DCN: variants seen among roughly 807,000 people sequenced by gnomAD.
The protein encoded by DCN is decorin, also known as bone proteoglycan II.
In DCN, 17 loss-of-function variants were observed where a neutral mutation model predicts 36.5. The observed-to-expected ratio is 0.47, with a 90% CI of 0.32 to 0.70. The LOEUF is 0.70. Among genes scored for constraint, DCN ranks in the 30% least tolerant of loss-of-function variants. DCN has a pLI of 0.04. For synonymous variants in DCN, 163 were observed against 161.4 expected, an observed-to-expected ratio of 1.01 and a Z score of -0.07; for missense variants, 389 against 430.1, an observed-to-expected ratio of 0.90 and a Z score of 0.84.
At chr12:91,160,122 G>A (rs866129984) in intron 3 of DCN, among the ~76,000 whole-genome samples, 4 of 151,930 alleles carry the variant, frequency 2.6e-5, no homozygotes, top group Admixed American at 6.6e-5. Context: ...AACACACTGC[G>A]ATTAATAATC....
chr12:91,152,889 A>G (rs1284286133), intron 6 of DCN, among the ~76,000 whole-genome samples: 3 of 152,136 alleles, frequency 2.0e-5, no homozygotes, highest in African/African-American at 7.2e-5. Flanking sequence ...TATGAAGCTG[A>G]TCTTGGTGGT....
chr12:91,169,092 A>G (rs944077668), intron 2 of DCN, among the ~76,000 whole-genome samples: 12 of 152,196 alleles, frequency 7.9e-5, no homozygotes, highest in African/African-American at 2.4e-4. Flanking sequence ...TCTGTAGTGT[A>G]AAGGAGAGTT....
chr12:91,144,828 A>G lies in DCN; in HGVS notation c.*1230T>C, dbSNP rs1783267364. On this transcript the variant is annotated 3_prime_UTR_variant, in exon 8 of 8. Coordinates refer to ENST00000052754, the MANE Select transcript of DCN (RefSeq NM_001920.5). Reference sequence around the variant, plus strand: ...GTTCCACTGCACTCATTCTGCTACTATTAGCAGAATTGATTACCTCTCATG... The same window carrying G: ...GTTCCACTGCACTCATTCTGCTACTGTTAGCAGAATTGATTACCTCTCATG... The G allele has an allele frequency of 6.6e-6, 1 of 152,156 alleles. No individual in the cohort carries two copies. The highest frequency in any genetic ancestry group is 2.4e-5 in the African/African-American group (1 of 41,424). The allele number at this position is 152,156 out of a possible 1,614,324, so 9.4% of individuals were successfully genotyped here.
rs376051357 is a variant in DCN, at chr12:91,178,421, G to A, written c.132C>T (p.Arg44=). 187 of 1,613,752 alleles carry A rather than the reference G, an allele frequency of 1.2e-4. No individual in the cohort carries two copies. The highest frequency in any genetic ancestry group is 1.5e-4 in the Non-Finnish European group (175 of 1,179,962). ...CTGGGCCTAGGGAGGGCTCGAAGTC[G>A]CGGTCATCAGGAACTTCTGGGCCTA... ...SGIGPEVPDD[R]DFEPSLGPVC... is the part of the protein sequence containing the mutation. The change falls in exon 2 of 8, where the codon CGC becomes CGT. Residue 44 remains arginine, a synonymous_variant. Coordinates refer to ENST00000052754, the MANE Select transcript of DCN (RefSeq NM_001920.5).
At position 91,158,316 on chromosome 12, in the gene DCN, A is replaced by G. The variant is rs753885997; in HGVS notation, c.518T>C (p.Leu173Pro). 6.2e-6 allele frequency: 10 copies of G among 1,607,704 alleles called. No individual in the cohort carries two copies. In the South Asian group the frequency reaches 1.1e-4, roughly 18 times the overall value. ...TGTACCTATGACAATCATCTGGTTCAGTCCATTGAAAGTAACTTTTCGCAC... is the reference window on the plus strand; with the variant it reads ...TGTACCTATGACAATCATCTGGTTCGGTCCATTGAAAGTAACTTTTCGCAC... ...TKVRKVTFNG[L>P]NQMIVIELGT... The change falls in exon 4 of 8, where the codon CTG (leucine) becomes CCG (proline). Residue 173 changes from leucine to proline, a missense_variant. Leu to Pro is a moderately conservative substitution (Grantham distance 98, BLOSUM62 -3). Coordinates refer to ENST00000052754, the MANE Select transcript of DCN (RefSeq NM_001920.5).
intron 2 of DCN, among the ~76,000 whole-genome samples, chr12:91,165,976 G>C (rs183514188): frequency 1.5e-4 from 23 of 152,212 alleles, no homozygotes; most frequent in Non-Finnish European, 1.0e-4. Flanking sequence ...GCTATGTCGA[G>C]AAAATCACTT....
rs907000509 is a variant in DCN at position 91,141,672 on chromosome 12, C to CA, written c.*4385dup. The CA allele has an allele frequency of 1.6e-4, 25 of 152,132 alleles. No individual in the cohort carries two copies. Among genetic ancestry groups the CA allele is most frequent in the African/African-American group, 6.0e-4 (25 of 41,510 alleles). 9.4% of individuals were successfully genotyped at this position (152,132 alleles called of 1,614,324 possible). ...TGCTAGTAGATATATCTGATCAAGACAAAAAAGTTGGATTATTTTGACATT... is the reference window on the plus strand; with the variant it reads ...TGCTAGTAGATATATCTGATCAAGACAAAAAAAGTTGGATTATTTTGACATT... On this transcript the variant is annotated 3_prime_UTR_variant, in exon 8 of 8. Coordinates refer to ENST00000052754, the MANE Select transcript of DCN (RefSeq NM_001920.5).
chr12:91,146,767 C>T (rs1394220565), intron 7 of DCN, among the ~76,000 whole-genome samples: 1 of 152,188 alleles, frequency 6.6e-6, no homozygotes, highest in African/African-American at 2.4e-5. Context: ...AAATTGCATG[C>T]CAATCATTTC....
intron 7 of DCN, among the ~76,000 whole-genome samples, chr12:91,150,138 C>T (rs1881309700): frequency 6.6e-6 from 1 of 152,048 alleles, no homozygotes; most frequent in African/African-American, 2.4e-5. Context: ...GGAGAACCTA[C>T]ATTTTCTAAT....
chr12:91,159,461 G>C (rs1882021069), intron 3 of DCN, among the ~76,000 whole-genome samples: 1 of 151,732 alleles, frequency 6.6e-6, no homozygotes, highest in Non-Finnish European at 1.5e-5. Context: ...TTTTTGGAGA[G>C]AGGAGATTGC....
chr12:91,172,491 ATGGCAATCTGAC>A (rs1215167718), intron 2 of DCN: 4 of 228,782 alleles, frequency 1.7e-5, no homozygotes, highest in Admixed American at 5.2e-5. Context: ...CATCTTAAAA[ATGGCAATCTGAC>A]TGCGTTATCA....
chr12:91,168,597 G>A (rs746777303), intron 2 of DCN, among the ~76,000 whole-genome samples: 1 of 152,170 alleles, frequency 6.6e-6, no homozygotes, highest in Non-Finnish European at 1.5e-5. Context: ...ATGATGAAAA[G>A]TTTATGAGTA....
intron 2 of DCN, among the ~76,000 whole-genome samples, chr12:91,165,763 C>G (rs1461225676): frequency 6.6e-6 from 1 of 152,064 alleles, no homozygotes; most frequent in East Asian, 1.9e-4. Context: ...AGCAATCTCT[C>G]CATCATATCT....
chr12:91,157,337 C>T (rs759359940), intron 4 of DCN, 149 bp from the exon 5 acceptor site: 6 of 654,968 alleles, frequency 9.2e-6, no homozygotes, highest in South Asian at 1.7e-5. Flanking sequence ...GAGCATGCTC[C>T]TCAGGAGAAT....
At chr12:91,158,156 C>G in intron 4 of DCN, 140 bp downstream of exon 4, 1 of 639,456 alleles carries the variant, frequency 1.6e-6, no homozygotes, top group African/African-American at 1.8e-5. Context: ...CCCAATTTCT[C>G]TTGGCCCTGT....
intron 7 of DCN, among the ~76,000 whole-genome samples, chr12:91,146,901 A>G (rs950311272): frequency 3.9e-5 from 6 of 151,912 alleles, no homozygotes; most frequent in African/African-American, 1.5e-4. Context: ...AGTTCTCTCC[A>G]CCTCTACTCC....
chr12:91,148,721 C>CAAAAAAAAAAAAAAAAAAAAAA (rs5799978), intron 7 of DCN, among the ~76,000 whole-genome samples: 14 of 49,478 alleles, frequency 2.8e-4, no homozygotes, highest in African/African-American at 7.2e-4. Context: ...CGCTCCGACT[C>CAAAAAAAAAAAAAAAAAAAAAA]AAAAAAAAAA....
At chr12:91,147,584 G>A (rs1390458307) in intron 7 of DCN, among the ~76,000 whole-genome samples, 1 of 151,982 alleles carries the variant, frequency 6.6e-6, no homozygotes, top group East Asian at 1.9e-4. Flanking sequence ...TCATATATCA[G>A]GTCTACATGA....
chr12:91,172,893 A>G (rs1883064103), intron 2 of DCN: 3 of 601,514 alleles, frequency 5.0e-6, no homozygotes, highest in Non-Finnish European at 5.8e-6. Flanking sequence ...TAAAATAGAT[A>G]TATAAAAAGA....
Sources: allele counts gnomAD v4.1 joint callset (sites outside exome capture counted in the v4.1 genomes callset), GRCh38; gene constraint gnomAD v4.1.1; transcripts MANE v1.5; gene names NCBI Gene and HGNC (gene_info 2026-07-23, HGNC 2026-07-21).